The following LINC00305 variants were observed in gnomAD, a reference collection of about 807,000 sequenced individuals.
LINC00305 encodes long independently transcribed non-coding RNA 305.
At chr18:64,083,821 T>A (rs2051193503) in intron 3 of LINC00305, among the ~76,000 whole-genome samples, 1 of 152,240 alleles carries the variant, frequency 6.6e-6, no homozygotes, top group African/African-American at 2.4e-5. Flanking sequence ...ATTATAAACC[T>A]GCTTGATGGT....
At chr18:64,125,522 T>G (rs575824105) in intron 1 of LINC00305, among the ~76,000 whole-genome samples, 3 of 152,172 alleles carry the variant, frequency 2.0e-5, no homozygotes, top group Non-Finnish European at 4.4e-5. Context: ...TAATTATCAT[T>G]GCAATATGTT....
chr18:64,095,028 G>A (rs1321336710), intron 3 of LINC00305, among the ~76,000 whole-genome samples: 1 of 152,106 alleles, frequency 6.6e-6, no homozygotes, highest in East Asian at 1.9e-4. Context: ...AGACTGAACA[G>A]AATTAGCCTT....
chr18:64,102,991 T>C (rs2051273804), intron 1 of LINC00305, among the ~76,000 whole-genome samples: 2 of 152,174 alleles, frequency 1.3e-5, no homozygotes, highest in Non-Finnish European at 2.9e-5. Context: ...GATCAACTTA[T>C]GTTTGGCAGG....
intron 3 of LINC00305, among the ~76,000 whole-genome samples, chr18:64,095,591 A>C (rs1340636324): frequency 6.6e-6 from 1 of 152,224 alleles, no homozygotes; most frequent in African/African-American, 2.4e-5. Context: ...AAAATTAAAA[A>C]TGCAATTTTG....
intron 1 of LINC00305, among the ~76,000 whole-genome samples, chr18:64,142,502 T>C (rs575792562): frequency 6.6e-6 from 1 of 152,240 alleles, no homozygotes; most frequent in Admixed American, 6.5e-5. Flanking sequence ...TCCCCACCAC[T>C]TCTAAATGGG....
intron 3 of LINC00305, among the ~76,000 whole-genome samples, chr18:64,088,642 G>A (rs2051213359): frequency 1.3e-5 from 2 of 152,244 alleles, no homozygotes; most frequent in African/African-American, 4.8e-5. Flanking sequence ...TGCCTCCCAT[G>A]AGACTGTAAG....
intron 3 of LINC00305, among the ~76,000 whole-genome samples, chr18:64,085,803 A>G (rs1352279179): frequency 6.6e-6 from 1 of 152,244 alleles, no homozygotes; most frequent in Non-Finnish European, 1.5e-5. Context: ...GCAGGCTCAT[A>G]AAAGAAGACA....
chr18:64,116,718 G>A (rs1017630791), intron 1 of LINC00305, among the ~76,000 whole-genome samples: 1 of 152,138 alleles, frequency 6.6e-6, no homozygotes, highest in Non-Finnish European at 1.5e-5. Context: ...ACTTCACAGA[G>A]TTGTCATTTT....
intron 1 of LINC00305, among the ~76,000 whole-genome samples, chr18:64,106,053 C>A (rs764792272): frequency 1.3e-5 from 2 of 152,236 alleles, no homozygotes; most frequent in African/African-American, 2.4e-5. Flanking sequence ...GGAATACTAG[C>A]AATTTGTCAA....
At chr18:64,107,348 G>C (rs561729678) in intron 1 of LINC00305, among the ~76,000 whole-genome samples, 1 of 152,212 alleles carries the variant, frequency 6.6e-6, no homozygotes, top group Non-Finnish European at 1.5e-5. Flanking sequence ...GAAGGAGTAA[G>C]GGGGAGGACT....
intron 3 of LINC00305, among the ~76,000 whole-genome samples, chr18:64,082,058 A>T (rs2144889819): frequency 6.6e-6 from 1 of 152,210 alleles, no homozygotes. Context: ...TTGCCTGGGG[A>T]CCAGATTGCC....
At chr18:64,098,001 A>G (rs1412040089) in intron 2 of LINC00305, 1 of 457,864 alleles carries the variant, frequency 2.2e-6, no homozygotes, top group South Asian at 1.5e-5. Flanking sequence ...GGCTACTGAG[A>G]TAAGGGACAG....
intron 1 of LINC00305, among the ~76,000 whole-genome samples, chr18:64,115,605 G>T (rs141941901): frequency 1.3e-5 from 2 of 152,196 alleles, no homozygotes; most frequent in Non-Finnish European, 2.9e-5. Flanking sequence ...GGGAGCCCAG[G>T]TTCTCTCTTT....
intron 1 of LINC00305, among the ~76,000 whole-genome samples, chr18:64,119,823 T>C (rs758924028): frequency 1.3e-5 from 2 of 152,096 alleles, no homozygotes; most frequent in Non-Finnish European, 2.9e-5. Flanking sequence ...TCTGCTCAGA[T>C]CTTCTTTTCT....
chr18:64,124,330 T>A (rs1207185547), intron 1 of LINC00305, among the ~76,000 whole-genome samples: 1 of 152,068 alleles, frequency 6.6e-6, no homozygotes, highest in Non-Finnish European at 1.5e-5. Context: ...CTCATGTCCT[T>A]AAGGAAGAGT....
At chr18:64,143,920 A>G (rs528921057) in intron 1 of LINC00305, among the ~76,000 whole-genome samples, 1 of 152,256 alleles carries the variant, frequency 6.6e-6, no homozygotes, top group East Asian at 1.9e-4. Context: ...TAATTCAAAC[A>G]TGCCAGAAAT....
At chr18:64,133,689 A>G (rs141533661) in intron 1 of LINC00305, among the ~76,000 whole-genome samples, 250 of 152,202 alleles carry the variant, frequency 1.6e-3, no homozygotes, top group African/African-American at 5.9e-3. Context: ...TTTTCCTTAC[A>G]TACTCCATGG....
At chr18:64,126,284 A>G (rs2051384798) in intron 1 of LINC00305, among the ~76,000 whole-genome samples, 1 of 152,106 alleles carries the variant, frequency 6.6e-6, no homozygotes, top group South Asian at 2.1e-4. Context: ...TGATAGCATT[A>G]TAAGTGATTT....
chr18:64,104,495 T>C (rs896273269), intron 1 of LINC00305, among the ~76,000 whole-genome samples: 1 of 152,206 alleles, frequency 6.6e-6, no homozygotes, highest in Non-Finnish European at 1.5e-5. Flanking sequence ...CTTAATCAAT[T>C]ACCATTCTTG....
Sources: gnomAD v4.1 joint callset for allele counts (sites outside exome capture counted in the v4.1 genomes callset) on GRCh38, gnomAD v4.1.1 for gene constraint, MANE v1.5 for transcripts, NCBI Gene and HGNC (gene_info 2026-07-23, HGNC 2026-07-21) for gene names.